Variants in SLC25A48 observed in about 807,000 individuals in gnomAD.
SLC25A48 encodes the protein CTC-321K16.1.
In SLC25A48, 29 loss-of-function variants were observed where a neutral mutation model predicts 32.2. The observed-to-expected ratio is 0.90, with a 90% confidence interval of 0.67 to 1.23. The LOEUF (loss-of-function observed/expected upper bound fraction) is 1.23, where lower values mean the gene tolerates loss of function less well. SLC25A48 is among the 50% of genes most tolerant of loss of function. The pLI is 0.00. For synonymous variants in SLC25A48, 164 were observed against 172.3 expected, an observed-to-expected ratio of 0.95 and a Z score of 0.38; for missense variants, 399 against 422.7, an observed-to-expected ratio of 0.94 and a Z score of 0.49.
chr5:135,761,837 G>A lies in SLC25A48; in HGVS notation c.-520-50686G>A, dbSNP rs527793389. Among the ~76,000 whole-genome samples, 17 of 152,238 alleles carry A rather than the reference G, an allele frequency of 1.1e-4. No homozygotes were observed. In the East Asian group the frequency reaches 2.9e-3, roughly 26 times the overall value. ...CCAGGAGCAGGATTCCAGATCCTGC[G>A]CCCCCCACTTGGCCTCCCACACTTT... On this transcript the variant is annotated intron_variant, in intron 3 of 10. Coordinates refer to the SLC25A48 transcript ENST00000646290.
At chr5:135,727,286 T>C (rs1011221074) in intron 3 of SLC25A48, among the ~76,000 whole-genome samples, 50 of 151,340 alleles carry the variant, frequency 3.3e-4, no homozygotes, top group African/African-American at 1.0e-3. Context: ...TATATGTATG[T>C]ACACACACAC....
At chr5:135,701,441 G>A (rs1754394042) in intron 3 of SLC25A48, among the ~76,000 whole-genome samples, 1 of 152,126 alleles carries the variant, frequency 6.6e-6, no homozygotes, top group Non-Finnish European at 1.5e-5. Context: ...GTGACATATT[G>A]GGAGCAGTAT....
chr5:135,799,567 A>G (rs892350415), intron 3 of SLC25A48, among the ~76,000 whole-genome samples: 1 of 151,358 alleles, frequency 6.6e-6, no homozygotes, highest in Non-Finnish European at 1.5e-5. Flanking sequence ...TATTATTCCT[A>G]ATATCCAGGT....
intron 3 of SLC25A48, among the ~76,000 whole-genome samples, chr5:135,730,128 T>TAG (rs1375573589): frequency 6.6e-6 from 1 of 152,232 alleles, no homozygotes; most frequent in African/African-American, 2.4e-5. Flanking sequence ...GGGAGATTAC[T>TAG]AGAGTCCAAG....
At chr5:135,723,393 C>T (rs1755014686) in intron 3 of SLC25A48, among the ~76,000 whole-genome samples, 1 of 139,582 alleles carries the variant, frequency 7.2e-6, no homozygotes, top group South Asian at 2.4e-4. Context: ...CACACACACA[C>T]ACACACACAC....
intron 3 of SLC25A48, among the ~76,000 whole-genome samples, chr5:135,733,007 G>A (rs142683456): frequency 1.6e-4 from 24 of 152,318 alleles, no homozygotes; most frequent in African/African-American, 5.5e-4. Flanking sequence ...ATTAATGATG[G>A]AGGACCCATG....
At chr5:135,805,115 A>G (rs117157389) in intron 3 of SLC25A48, among the ~76,000 whole-genome samples, 1,551 of 151,162 alleles carry the variant, frequency 0.01, 39 homozygotes, top group Admixed American at 0.056. Flanking sequence ...ATAGGGAGAT[A>G]TTACTCCTAA....
At chr5:135,719,415 G>T (rs1754893686) in intron 3 of SLC25A48, among the ~76,000 whole-genome samples, 1 of 152,162 alleles carries the variant, frequency 6.6e-6, no homozygotes, top group Non-Finnish European at 1.5e-5. Context: ...GCATGCCGGA[G>T]AAGCAGAAGT....
intron 1 of SLC25A48, among the ~76,000 whole-genome samples, chr5:135,610,452 T>C (rs1287195241): frequency 6.6e-6 from 1 of 152,196 alleles, no homozygotes; most frequent in East Asian, 1.9e-4. Flanking sequence ...GTGGAACATA[T>C]ATAACAAATA....
chr5:135,689,771 C>T (rs1406153127), intron 3 of SLC25A48, among the ~76,000 whole-genome samples: 2 of 152,200 alleles, frequency 1.3e-5, no homozygotes, highest in Admixed American at 6.5e-5. Context: ...AAATAGCTTA[C>T]AAGAGCAACC....
chr5:135,852,241 A>G (rs534185770), intron 3 of SLC25A48, among the ~76,000 whole-genome samples: 299 of 152,264 alleles, frequency 2.0e-3, no homozygotes, highest in African/African-American at 7.0e-3. Context: ...AGGTCTCCTC[A>G]GGATCCCCCT....
At chr5:135,688,256 T>G (rs570874338) in intron 3 of SLC25A48, among the ~76,000 whole-genome samples, 104 of 152,356 alleles carry the variant, frequency 6.8e-4, no homozygotes, top group African/African-American at 2.4e-3. Flanking sequence ...TATATCACAT[T>G]TTGCTTATCC....
At chr5:135,774,013 A>G (rs746035935) in intron 3 of SLC25A48, among the ~76,000 whole-genome samples, 4 of 151,692 alleles carry the variant, frequency 2.6e-5, no homozygotes, top group African/African-American at 7.3e-5. Context: ...TATTACTCCC[A>G]ATATCGCAGG....
intron 4 of SLC25A48, among the ~76,000 whole-genome samples, chr5:135,864,037 A>G (rs990210825): frequency 6.6e-6 from 1 of 152,200 alleles, no homozygotes; most frequent in Admixed American, 6.5e-5. Flanking sequence ...GAAAGGAATC[A>G]GAGTGGGGCC....
At chr5:135,609,058 A>G (rs1752005115) in intron 1 of SLC25A48, among the ~76,000 whole-genome samples, 1 of 152,224 alleles carries the variant, frequency 6.6e-6, no homozygotes, top group Non-Finnish European at 1.5e-5. Context: ...TGGAAGGGGC[A>G]TGGGTCTTAA....
At chr5:135,601,160 G>C (rs1021530689) in intron 1 of SLC25A48, 24 of 152,356 alleles carry the variant, frequency 1.6e-4, no homozygotes, top group African/African-American at 5.8e-4. Context: ...AGTTCCGACT[G>C]CTGAGGTCAC....
At chr5:135,763,393 T>C (rs576439459) in intron 3 of SLC25A48, among the ~76,000 whole-genome samples, 1 of 152,164 alleles carries the variant, frequency 6.6e-6, no homozygotes, top group South Asian at 2.1e-4. Flanking sequence ...CTGCCATGTC[T>C]ACCCACAGCC....
chr5:135,802,847 G>T lies in SLC25A48; in HGVS notation c.-520-9676G>T, dbSNP rs565468203. 5 of 151,374 alleles carry T rather than the reference G, an allele frequency of 3.3e-5. No individual in the cohort carries two copies. The East Asian group carries it at 9.7e-4, about 29-fold the overall frequency. The allele number at this position is 151,374 out of a possible 1,614,324, so 9.4% of individuals were successfully genotyped here. A position where few individuals can be genotyped will look rare whatever the true frequency, so the allele number is the denominator to read the frequency against. On this transcript the variant is annotated intron_variant, in intron 3 of 10. Transcript: ENST00000646290. ...AATATTACTCCTAGTATCACAGTAG[G>T]GGTACACCATGTTTGTACACCCTGT...
intron 1 of SLC25A48, among the ~76,000 whole-genome samples, chr5:135,595,890 AAGGCCCCTAGC>A (rs1350724063): frequency 6.6e-6 from 1 of 152,194 alleles, no homozygotes; most frequent in Admixed American, 6.5e-5. Context: ...GCATCAGTAT[AAGGCCCCTAGC>A]AGGCACGATC....
Sources: allele counts gnomAD v4.1 joint callset (sites outside exome capture counted in the v4.1 genomes callset), GRCh38; gene constraint gnomAD v4.1.1; transcripts MANE v1.5; gene names NCBI Gene and HGNC (gene_info 2026-07-23, HGNC 2026-07-21).